ERO1A: variants seen among roughly 807,000 people sequenced by gnomAD.
ERO1A encodes the protein endoplasmic reticulum oxidoreductase 1 alpha.
A neutral mutation model predicts 76.9 loss-of-function variants in ERO1A; 49 were observed. That is an observed-to-expected ratio of 0.64 (90% CI 0.51 to 0.81). The LOEUF is 0.81. Among genes scored for constraint, ERO1A ranks in the 30% least tolerant of loss-of-function variants. The pLI, the probability that ERO1A is intolerant of heterozygous loss-of-function variation, is 0.00. For synonymous variants in ERO1A, 174 were observed against 181.2 expected (o/e 0.96, Z 0.32); for missense variants, 448 against 542.1 (o/e 0.83, Z 1.72).
At chr14:52,658,053 TCTTG>T in intron 10 of ERO1A, 44 bp from the exon 11 acceptor site, 1 of 1,513,260 alleles carries the variant, frequency 6.6e-7, no homozygotes, top group Non-Finnish European at 9.1e-7. Context: ...CATATGTGAA[TCTTG>T]TAGACATAAA....
chr14:52,682,499 T>C, intron 2 of ERO1A, 91 bp from the exon 3 acceptor site: 5 of 890,974 alleles, frequency 5.6e-6, no homozygotes, highest in Non-Finnish European at 8.9e-6. Flanking sequence ...AACTTGGTCA[T>C]GTTATCAGGT....
rs567000315 is a variant in ERO1A, at chr14:52,684,884, A to G, written c.115-977T>C. Among the ~76,000 whole-genome samples the G allele has an allele frequency of 5.9e-5, 9 of 152,270 alleles. No homozygotes were observed. The East Asian group carries it at 1.7e-3, about 29-fold the overall frequency. On this transcript the variant is annotated intron_variant, in intron 1 of 15. Coordinates refer to ENST00000395686, the MANE Select transcript of ERO1A (RefSeq NM_014584.3). Reference sequence around the variant, plus strand: ...TATTTGAGCTAGAAAAACATCTAATAGAACTAAAGATTGCTTTAAGAAACA... The same window carrying G: ...TATTTGAGCTAGAAAAACATCTAATGGAACTAAAGATTGCTTTAAGAAACA...
intron 4 of ERO1A, among the ~76,000 whole-genome samples, chr14:52,674,951 T>C (rs2040729870): frequency 6.6e-6 from 1 of 152,228 alleles, no homozygotes; most frequent in Non-Finnish European, 1.5e-5. Flanking sequence ...TAAATCCATC[T>C]AGCTAATGAC....
At chr14:52,680,396 T>C (rs1220216876) in intron 3 of ERO1A, among the ~76,000 whole-genome samples, 1 of 152,232 alleles carries the variant, frequency 6.6e-6, no homozygotes, top group Admixed American at 6.5e-5. Context: ...TCAGGGTTTC[T>C]GCTCCCTCCA....
rs939172540 is a variant in ERO1A, at chr14:52,641,802, G to C, written c.*1768C>G. 2.0e-5 allele frequency: 3 copies of C among 152,110 alleles called. No homozygotes were observed. The highest frequency in any genetic ancestry group is 3.2e-3 in the Middle Eastern group (1 of 316). The allele number at this position is 152,110 out of a possible 1,614,324, so 9.4% of individuals were successfully genotyped here. On this transcript the variant is annotated 3_prime_UTR_variant, in exon 16 of 16. Coordinates refer to ENST00000395686, the MANE Select transcript of ERO1A (RefSeq NM_014584.3). ...TTTCCTTTCCTGCCTTAGAGAAAAA[G>C]GAAGTGACAGAGAAAAATAGGACAA...
At chr14:52,692,773 T>C (rs963264578) in intron 1 of ERO1A, among the ~76,000 whole-genome samples, 7 of 152,178 alleles carry the variant, frequency 4.6e-5, no homozygotes, top group African/African-American at 1.7e-4. Flanking sequence ...GTTGAATGAA[T>C]GATTTGCACC....
intron 9 of ERO1A, among the ~76,000 whole-genome samples, chr14:52,660,289 C>T (rs1002958233): frequency 1.3e-5 from 2 of 151,548 alleles, no homozygotes; most frequent in African/African-American, 2.4e-5. Flanking sequence ...CTAAGGATGG[C>T]TCCCACAGGT....
chr14:52,666,432 T>C lies in ERO1A; in HGVS notation c.572A>G (p.Tyr191Cys). Residue 191 changes from tyrosine (Y) to cysteine (C), a missense_variant, in exon 7 of 16, where the codon TAC becomes TGC. Tyr to Cys is a radical substitution (Grantham distance 194). Transcript: ENST00000395686. ...TATTTTCCAAGCATCTGGTCCCTTG[T>C]AACCAGTGTAGCGCTCAGGATTAAG... ...LLLNPERYTG[Y>C]KGPDAWKIWN... 1 of 1,611,286 alleles carries C rather than the reference T, an allele frequency of 6.2e-7. No homozygotes were observed. Among genetic ancestry groups the C allele is most frequent in the Non-Finnish European group, 8.5e-7 (1 of 1,178,244 alleles).
At chr14:52,691,562 C>T (rs1189185258) in intron 1 of ERO1A, among the ~76,000 whole-genome samples, 5 of 152,328 alleles carry the variant, frequency 3.3e-5, no homozygotes, top group Admixed American at 2.6e-4. Flanking sequence ...GTCTCTCCCA[C>T]GGCCCAGCCA....
intron 15 of ERO1A, among the ~76,000 whole-genome samples, chr14:52,645,675 T>C (rs2039624782): frequency 1.3e-5 from 2 of 152,140 alleles, no homozygotes; most frequent in African/African-American, 4.8e-5. Flanking sequence ...TATTTCATAA[T>C]ATCCCATAAT....
chr14:52,661,281 AATT>A lies in ERO1A; in HGVS notation c.688+9_688+11del, dbSNP rs763813136. 2 of 1,189,342 alleles carry A rather than the reference AATT, an allele frequency of 1.7e-6. No individual in the cohort carries two copies. Among genetic ancestry groups the A allele is most frequent in the East Asian group, 5.3e-5 (2 of 37,776 alleles). 73.7% of individuals were successfully genotyped at this position (1,189,342 alleles called of 1,614,324 possible). ...AAATTCATATATGTAATATATAATA[AATT>A]ATACTTACCTTCACTTGTCCCTGAA... On this transcript the variant is annotated intron_variant, in intron 9 of 15. Coordinates refer to ENST00000395686, the MANE Select transcript of ERO1A (RefSeq NM_014584.3).
chr14:52,643,523 CT>C lies in ERO1A; in HGVS notation c.*46del. 7.8e-7 allele frequency: 1 copy of C among 1,277,690 alleles called. No homozygotes were observed. Among genetic ancestry groups the C allele is most frequent in the Non-Finnish European group, 1.1e-6 (1 of 942,168 alleles). 79.1% of individuals were successfully genotyped at this position (1,277,690 alleles called of 1,614,324 possible). Reference sequence around the variant, plus strand: ...TTATGCCTTTGAATGAAATTCCACTCTTTCGCCTCCATTGTCCAGAAACAGG... The same window carrying C: ...TTATGCCTTTGAATGAAATTCCACTCTTCGCCTCCATTGTCCAGAAACAGG... On this transcript the variant is annotated 3_prime_UTR_variant, in exon 16 of 16. Transcript: ENST00000395686.
At chr14:52,671,977 A>G (rs994392371) in intron 4 of ERO1A, 106 bp from the exon 5 acceptor site, 5 of 798,738 alleles carry the variant, frequency 6.3e-6, no homozygotes, top group Non-Finnish European at 9.8e-6. Context: ...TATTTTTCCA[A>G]TATGTTCTTA....
intron 1 of ERO1A, among the ~76,000 whole-genome samples, chr14:52,686,812 T>C (rs1221485388): frequency 6.6e-6 from 1 of 151,682 alleles, no homozygotes; most frequent in Admixed American, 6.6e-5. Context: ...GAGGCAGAGA[T>C]TGCAGTGAGC....
chr14:52,682,694 T>A (rs1363107381), intron 2 of ERO1A, among the ~76,000 whole-genome samples: 4 of 151,222 alleles, frequency 2.6e-5, no homozygotes, highest in African/African-American at 9.7e-5. Flanking sequence ...AGGTCAGGAG[T>A]TTGAGACCAG....
At chr14:52,693,364 A>G (rs560272629) in intron 1 of ERO1A, among the ~76,000 whole-genome samples, 8 of 152,190 alleles carry the variant, frequency 5.3e-5, no homozygotes, top group Non-Finnish European at 7.3e-5. Context: ...CCCATGCTGG[A>G]TGCTTCCTGC....
intron 7 of ERO1A, among the ~76,000 whole-genome samples, chr14:52,664,756 A>G (rs1321004299): frequency 6.6e-6 from 1 of 151,220 alleles, no homozygotes; most frequent in African/African-American, 2.4e-5. Flanking sequence ...CAGTGGTGCA[A>G]TCTGGGCTCA....
intron 4 of ERO1A, among the ~76,000 whole-genome samples, chr14:52,673,304 G>A (rs112898150): frequency 0.054 from 8,196 of 152,178 alleles, 289 homozygotes; most frequent in South Asian, 0.098. Context: ...TGCCCAGGCT[G>A]GTCTTGAACT....
chr14:52,648,803 T>A (rs1239473066), intron 13 of ERO1A, among the ~76,000 whole-genome samples: 2 of 152,198 alleles, frequency 1.3e-5, no homozygotes, highest in Admixed American at 6.5e-5. Context: ...TGAGTAAGTC[T>A]TTGTATGACA....
Sources: gnomAD v4.1 joint callset for allele counts (sites outside exome capture counted in the v4.1 genomes callset) on GRCh38, gnomAD v4.1.1 for gene constraint, MANE v1.5 for transcripts, NCBI Gene and HGNC (gene_info 2026-07-23, HGNC 2026-07-21) for gene names.